PATZ1: variants seen among roughly 807,000 people sequenced by gnomAD.
The protein encoded by PATZ1 is POZ-, AT hook-, and zinc finger-containing protein 1.
PATZ1 carries 9 observed loss-of-function variants against 46.2 expected under a neutral mutation model. The ratio of observed to expected loss-of-function variants is 0.19; its 90% CI spans 0.12 to 0.34. PATZ1 has a LOEUF of 0.34. Ranked by LOEUF, PATZ1 falls within the 10% of genes least tolerant of loss-of-function variation. PATZ1 has a pLI of 1.00. For synonymous variants in PATZ1, 426 were observed against 378.6 expected (o/e 1.13, Z -1.45); for missense variants, 632 against 923.0 (o/e 0.68, Z 4.08).
chr22:31,341,814 G>A, intron 2 of PATZ1: 1 of 754,876 alleles, frequency 1.3e-6, no homozygotes, highest in East Asian at 2.7e-5. Flanking sequence ...TCTGTGATGA[G>A]AGAATCAGAG....
intron 2 of PATZ1, among the ~76,000 whole-genome samples, chr22:31,342,541 ACAGT>A (rs1427952075): frequency 3.9e-5 from 6 of 152,082 alleles, no homozygotes. Flanking sequence ...CTGGAAACCA[ACAGT>A]CAGGCCCAGC....
intron 2 of PATZ1, among the ~76,000 whole-genome samples, chr22:31,342,214 G>A (rs1383472819): frequency 6.6e-6 from 1 of 152,120 alleles, no homozygotes; most frequent in Non-Finnish European, 1.5e-5. Context: ...AGGGCCCCCA[G>A]ATATTGTTCA....
chr22:31,341,472 C>G (rs1345566984), intron 2 of PATZ1: 1 of 1,610,066 alleles, frequency 6.2e-7, no homozygotes, highest in South Asian at 1.1e-5. Flanking sequence ...CCTCAGATAT[C>G]CCGGCGGGGC....
In PATZ1 at chr22:31,345,708, C is replaced by T. The variant is rs1300110463; in HGVS notation, c.-106G>A. 19 of 1,137,174 alleles carry T rather than the reference C, an allele frequency of 1.7e-5. No homozygotes were observed. The highest frequency in any genetic ancestry group is 2.3e-5 in the Non-Finnish European group (19 of 825,436). 70.4% of individuals were successfully genotyped at this position (1,137,174 alleles called of 1,614,324 possible). ...AGCAGACGTGTCCACACTCCCCACA[C>T]GTGCCGGCCCGAGGCTCTGTAGTCT... On this transcript the variant is annotated 5_prime_UTR_variant, in exon 1 of 5. In the 5' UTR this introduces an upstream ATG that the reference lacks. Transcript: ENST00000266269. The surrounding 1 kb of genome is among the most constrained non-coding windows in gnomAD (Gnocchi z 7.4).
chr22:31,334,250 T>C (rs762148463), intron 3 of PATZ1, among the ~76,000 whole-genome samples: 2 of 152,172 alleles, frequency 1.3e-5, no homozygotes, highest in Non-Finnish European at 2.9e-5. Flanking sequence ...TCTCCCTGCA[T>C]GCGCAAGCCC....
chr22:31,335,509 C>G (rs1231195233), intron 3 of PATZ1, 183 bp downstream of exon 3: 2 of 588,666 alleles, frequency 3.4e-6, no homozygotes, highest in Non-Finnish European at 5.9e-6. Flanking sequence ...GCACCCCAAG[C>G]TTCTTGGGAA....
intron 2 of PATZ1, chr22:31,338,103 G>A (rs2049534323): frequency 6.6e-6 from 1 of 152,290 alleles, no homozygotes; most frequent in Non-Finnish European, 1.5e-5. Flanking sequence ...TTCAGAAGGT[G>A]AACTTGCTTA....
chr22:31,332,229 A>AC (rs1305833620), intron 3 of PATZ1, among the ~76,000 whole-genome samples: 1 of 152,232 alleles, frequency 6.6e-6, no homozygotes, highest in Admixed American at 6.5e-5. Context: ...GAGTGGATCC[A>AC]CAGCTGCCAC....
intron 3 of PATZ1, among the ~76,000 whole-genome samples, chr22:31,330,930 C>G (rs373366742): frequency 1.3e-5 from 2 of 152,196 alleles, no homozygotes. Flanking sequence ...TTAACAAGTT[C>G]TCCTCTGACA....
chr22:31,341,826 CAG>C, intron 2 of PATZ1: 53 of 731,052 alleles, frequency 7.2e-5, no homozygotes, highest in Non-Finnish European at 9.9e-5. Context: ...GAATCAGAGA[CAG>C]AGAGAGAGAA....
chr22:31,329,993 T>C (rs750072387), intron 3 of PATZ1, among the ~76,000 whole-genome samples: 1 of 152,236 alleles, frequency 6.6e-6, no homozygotes, highest in Admixed American at 6.5e-5. Flanking sequence ...TCAGATCTGG[T>C]TGACTCATCA....
intron 2 of PATZ1, chr22:31,341,195 G>A: frequency 1.6e-6 from 2 of 1,251,398 alleles, no homozygotes; most frequent in Non-Finnish European, 2.0e-6. Flanking sequence ...AGCCCAGAAA[G>A]AAACTTGGAT....
chr22:31,332,798 T>A (rs1392338232), intron 3 of PATZ1, among the ~76,000 whole-genome samples: 1 of 152,268 alleles, frequency 6.6e-6, no homozygotes, highest in Non-Finnish European at 1.5e-5. Context: ...GATGTTTGCA[T>A]TCAAATGTCT....
At position 31,345,408 on chromosome 22, in the gene PATZ1, G is replaced by A. The variant is rs138457352; in HGVS notation, c.195C>T (p.Tyr65=). The change falls in exon 1 of 5, where the codon TAC becomes TAT. Residue 65 remains tyrosine (Y), a synonymous_variant. Transcript: ENST00000266269. The surrounding 1 kb of genome is among the most constrained non-coding windows in gnomAD (Gnocchi z 7.4). ...HRAVLAACSE[Y]FESVFSAQLG... The stretch of plus-strand genomic sequence containing the variant: ...ACTGGGCGCTGAACACCGACTCAAA[G>A]TACTCGCTGCAGGCGGCCAGCACGG... 43 of 1,611,792 alleles carry A rather than the reference G, an allele frequency of 2.7e-5. No individual in the cohort carries two copies. The African/African-American group carries it at 5.1e-4, about 19-fold the overall frequency.
intron 1 of PATZ1, chr22:31,343,253 A>C: frequency 8.7e-7 from 1 of 1,152,370 alleles, no homozygotes; most frequent in Non-Finnish European, 1.1e-6. Context: ...CTAGGACCAG[A>C]GGCGGTGGCA....
rs766268183 is a variant in PATZ1 at position 31,335,851 on chromosome 22, A to C, written c.1348T>G (p.Ser450Ala). 23 of 1,613,638 alleles carry C rather than the reference A, an allele frequency of 1.4e-5. No individual in the cohort carries two copies. The highest frequency in any genetic ancestry group is 2.2e-5 in the East Asian group (1 of 44,876). ...CGCAGACGGTCTCGGGTGGCAAAAG[A>C]AGCATTGCAGGTCTGAAGGCAGAAA... ...RPHKCQTCNA[S>A]FATRDRLRSH... The change falls in exon 3 of 5, where the codon TCT becomes GCT. Residue 450 changes from serine to alanine, a missense_variant. Coordinates refer to ENST00000266269, the MANE Select transcript of PATZ1 (RefSeq NM_014323.3).
chr22:31,329,271 G>A (rs1029473314), intron 3 of PATZ1, among the ~76,000 whole-genome samples: 2 of 152,166 alleles, frequency 1.3e-5, no homozygotes, highest in African/African-American at 4.8e-5. Flanking sequence ...TGGTTTGAGT[G>A]GATGTCTCCT....
At chr22:31,342,512 C>G (rs1275913378) in intron 2 of PATZ1, among the ~76,000 whole-genome samples, 1 of 152,084 alleles carries the variant, frequency 6.6e-6, no homozygotes, top group Non-Finnish European at 1.5e-5. Flanking sequence ...TTAAAAAAAC[C>G]TGCAGTCCCT....
intron 3 of PATZ1, among the ~76,000 whole-genome samples, chr22:31,335,076 C>T (rs1024772601): frequency 6.6e-6 from 1 of 152,198 alleles, no homozygotes; most frequent in Non-Finnish European, 1.5e-5. Context: ...CCCAACACAA[C>T]ACCACTGCCA....
Sources: allele counts gnomAD v4.1 joint callset (sites outside exome capture counted in the v4.1 genomes callset), GRCh38; gene constraint gnomAD v4.1.1; non-coding constraint Gnocchi (gnomAD v3.1); transcripts MANE v1.5; gene names NCBI Gene and HGNC (gene_info 2026-07-23, HGNC 2026-07-21).